The following CSMD1 variants were observed in gnomAD, a reference collection of about 807,000 sequenced individuals.
CSMD1 encodes the protein CUB and sushi domain-containing protein 1.
A neutral mutation model predicts 417.5 loss-of-function variants in CSMD1; 213 were observed. The ratio of observed to expected loss-of-function variants is 0.51; its 90% CI spans 0.46 to 0.57. The LOEUF (loss-of-function observed/expected upper bound fraction) is 0.57. Among genes scored for constraint, CSMD1 ranks in the 20% least tolerant of loss-of-function variants. The pLI is 0.00. For missense variants in CSMD1, 6,923 were observed against 4,529.7 expected (o/e 1.53, Z -15.17); for synonymous variants, 2,862 against 1,736.8 (o/e 1.65, Z -16.11).
At chr8:4,439,528 T>C (rs75299616) in intron 2 of CSMD1, among the ~76,000 whole-genome samples, 4,090 of 152,270 alleles carry the variant, frequency 0.027, 194 homozygotes, top group African/African-American at 0.092. Context: ...ATGCATACAT[T>C]TGAAAATGTA....
chr8:3,857,585 T>C (rs922697683), intron 5 of CSMD1, among the ~76,000 whole-genome samples: 3 of 152,190 alleles, frequency 2.0e-5, no homozygotes, highest in Non-Finnish European at 2.9e-5. Context: ...TTCTACGCTG[T>C]GTAGACGTGA....
At chr8:3,716,622 T>C (rs1026657650) in intron 6 of CSMD1, among the ~76,000 whole-genome samples, 19 of 152,254 alleles carry the variant, frequency 1.2e-4, no homozygotes, top group African/African-American at 3.9e-4. Context: ...GGAAGGACTT[T>C]ATGGCCTGTG....
At chr8:3,993,212 G>C (rs1814895483) in intron 5 of CSMD1, among the ~76,000 whole-genome samples, 2 of 152,226 alleles carry the variant, frequency 1.3e-5, no homozygotes, top group Admixed American at 6.5e-5. Context: ...CTCTGTGTTA[G>C]TGCTGCAAAT....
At chr8:3,231,879 T>A (rs1189232129) in intron 26 of CSMD1, among the ~76,000 whole-genome samples, 1 of 152,230 alleles carries the variant, frequency 6.6e-6, no homozygotes, top group Non-Finnish European at 1.5e-5. Flanking sequence ...TCATTAAGTC[T>A]GCTATGAAGA....
At chr8:4,862,127 C>T (rs763226425) in intron 1 of CSMD1, among the ~76,000 whole-genome samples, 34 of 151,952 alleles carry the variant, frequency 2.2e-4, no homozygotes, top group Admixed American at 5.2e-4. Context: ...CTCTAAGGGT[C>T]TGGGGACAAG....
chr8:3,921,469 G>T (rs1408887179), intron 5 of CSMD1, among the ~76,000 whole-genome samples: 1 of 151,950 alleles, frequency 6.6e-6, no homozygotes, highest in South Asian at 2.1e-4. Flanking sequence ...CTAGTTCAGT[G>T]AGGTGTAAAG....
chr8:3,753,677 G>A (rs1035059991), intron 6 of CSMD1, among the ~76,000 whole-genome samples: 6 of 152,102 alleles, frequency 3.9e-5, no homozygotes, highest in South Asian at 2.1e-4. Flanking sequence ...ATAATAAATA[G>A]CTATTGATTA....
At chr8:4,983,440 G>C (rs759281070) in intron 1 of CSMD1, among the ~76,000 whole-genome samples, 1 of 152,216 alleles carries the variant, frequency 6.6e-6, no homozygotes, top group African/African-American at 2.4e-5. Context: ...ACTTGCAAGA[G>C]TGCCCTTCAG....
intron 10 of CSMD1, among the ~76,000 whole-genome samples, chr8:3,565,383 G>A (rs1304087377): frequency 1.3e-5 from 2 of 152,062 alleles, no homozygotes. Context: ...ATTGAATAAT[G>A]GGGAGGCTCC....
intron 37 of CSMD1, among the ~76,000 whole-genome samples, chr8:3,164,272 G>C (rs1585526608): frequency 6.6e-6 from 1 of 152,172 alleles, no homozygotes; most frequent in South Asian, 2.1e-4. Context: ...GAGTAGGTAG[G>C]AGGAGTGCCA....
At chr8:4,507,177 G>C (rs1364589440) in intron 2 of CSMD1, among the ~76,000 whole-genome samples, 1 of 152,034 alleles carries the variant, frequency 6.6e-6, no homozygotes, top group African/African-American at 2.4e-5. Flanking sequence ...CTGAAAAAAA[G>C]TATTGCCATC....
rs2720817 is a variant in CSMD1, at chr8:3,733,411, G to T, written c.931+20519C>A. ...TATCTGGATTAGATGATAGAAACCT[G>T]TAAGAATGTACTTTTGATTTGGTGT... On this transcript the variant is annotated intron_variant, in intron 6 of 69. Coordinates refer to ENST00000635120, the MANE Select transcript of CSMD1 (RefSeq NM_033225.6). Among the ~76,000 whole-genome samples, 608 of 149,186 alleles carry T rather than the reference G, an allele frequency of 4.1e-3. 20 individuals carry two copies. In the East Asian group the frequency reaches 0.075, roughly 18 times the overall value.
At chr8:3,066,381 G>T (rs964333429) in intron 49 of CSMD1, among the ~76,000 whole-genome samples, 12 of 152,196 alleles carry the variant, frequency 7.9e-5, no homozygotes, top group Admixed American at 5.9e-4. Context: ...AAGATACAGA[G>T]AATCAGTGAC....
intron 12 of CSMD1, among the ~76,000 whole-genome samples, chr8:3,460,516 G>T (rs920493334): frequency 1.3e-5 from 2 of 152,060 alleles, no homozygotes; most frequent in Admixed American, 6.5e-5. Flanking sequence ...GAGCAAAATA[G>T]AAGAGTTTAG....
chr8:4,540,322 AC>A (rs548435331), intron 2 of CSMD1, among the ~76,000 whole-genome samples: 14 of 152,168 alleles, frequency 9.2e-5, no homozygotes, highest in Non-Finnish European at 2.1e-4. Context: ...CCACTAAAAA[AC>A]TTTTCCATGC....
intron 3 of CSMD1, among the ~76,000 whole-genome samples, chr8:4,418,346 T>C (rs1308557371): frequency 6.6e-6 from 1 of 152,162 alleles, no homozygotes; most frequent in Admixed American, 6.6e-5. Context: ...TAGACAATCT[T>C]GCCCTATTTT....
intron 3 of CSMD1, among the ~76,000 whole-genome samples, chr8:4,317,542 C>T (rs2128882129): frequency 6.6e-6 from 1 of 152,042 alleles, no homozygotes; most frequent in African/African-American, 2.4e-5. Flanking sequence ...CTTCATTTTC[C>T]AGAGATAGAT....
chr8:3,413,571 G>C (rs930447439), intron 12 of CSMD1, among the ~76,000 whole-genome samples: 1 of 152,182 alleles, frequency 6.6e-6, no homozygotes, highest in African/African-American at 2.4e-5. Context: ...AGTTATAGAA[G>C]AAATGTAAGC....
At chr8:3,571,905 C>G (rs1020568825) in intron 10 of CSMD1, among the ~76,000 whole-genome samples, 1 of 152,214 alleles carries the variant, frequency 6.6e-6, no homozygotes, top group Non-Finnish European at 1.5e-5. Context: ...GTCCTCTCCA[C>G]CGAAAGGGCT....
Sources: gnomAD v4.1 joint callset for allele counts (sites outside exome capture counted in the v4.1 genomes callset) on GRCh38, gnomAD v4.1.1 for gene constraint, MANE v1.5 for transcripts, NCBI Gene and HGNC (gene_info 2026-07-23, HGNC 2026-07-21) for gene names.